GRIA4: variants seen among roughly 807,000 people sequenced by gnomAD.
GRIA4 encodes the protein glutamate receptor 4.
GRIA4 carries 34 observed loss-of-function variants against 104.0 expected under a neutral mutation model. The ratio of observed to expected loss-of-function variants is 0.33; its 90% CI spans 0.25 to 0.44. The LOEUF is 0.44. Among genes scored for constraint, GRIA4 ranks in the 20% least tolerant of loss-of-function variants. The pLI, the probability that GRIA4 is intolerant of heterozygous loss-of-function variation, is 1.00. For missense variants in GRIA4, 750 were observed against 1,096.5 expected, an observed-to-expected ratio of 0.68 and a Z score of 4.46; for synonymous variants, 386 against 381.9, an observed-to-expected ratio of 1.01 and a Z score of -0.13.
chr11:105,752,954 T>C (rs372013456), intron 3 of GRIA4, 27 bp from the exon 4 acceptor site: 7 of 1,605,032 alleles, frequency 4.4e-6, no homozygotes, highest in Non-Finnish European at 6.0e-6. Context: ...GCTAATAGTT[T>C]GTGGTGTTTT....
intron 4 of GRIA4, among the ~76,000 whole-genome samples, chr11:105,849,448 A>C (rs1038313026): frequency 6.6e-6 from 1 of 152,220 alleles, no homozygotes; most frequent in Non-Finnish European, 1.5e-5. Flanking sequence ...CCAGCATAAT[A>C]ATAAATCTAC....
Position 105,727,394 on chromosome 11 carries a change from T to C in GRIA4, c.248-25587T>C, listed in dbSNP as rs140685646. Reference sequence around the variant, plus strand: ...GAAATATGGGACTATGTGAAAAGACTATGTCTGATTGGTGTACCTGAAAGT... The same window carrying C: ...GAAATATGGGACTATGTGAAAAGACCATGTCTGATTGGTGTACCTGAAAGT... On this transcript the variant is annotated intron_variant, in intron 3 of 16. Transcript: ENST00000282499. Among the ~76,000 whole-genome samples, 219 of 151,636 alleles carry C rather than the reference T, an allele frequency of 1.4e-3. 3 individuals carry two copies. The highest frequency in any genetic ancestry group is 4.7e-3 in the African/African-American group (196 of 41,464).
chr11:105,805,711 C>T (rs541466196), intron 4 of GRIA4, among the ~76,000 whole-genome samples: 24 of 151,918 alleles, frequency 1.6e-4, no homozygotes, highest in African/African-American at 5.3e-4. Context: ...TTGCTAATAG[C>T]TTAGGAGGTT....
At chr11:105,637,879 T>C (rs1437152077) in intron 3 of GRIA4, among the ~76,000 whole-genome samples, 1 of 152,160 alleles carries the variant, frequency 6.6e-6, no homozygotes, top group African/African-American at 2.4e-5. Flanking sequence ...GGAGGATGGC[T>C]TATCACCGAT....
chr11:105,681,313 G>C (rs1238958126), intron 3 of GRIA4, among the ~76,000 whole-genome samples: 1 of 152,232 alleles, frequency 6.6e-6, no homozygotes, highest in African/African-American at 2.4e-5. Context: ...CCTGGAAAGA[G>C]ATGGGGGATG....
At chr11:105,923,065 C>A (rs1947611239) in intron 11 of GRIA4, among the ~76,000 whole-genome samples, 1 of 152,018 alleles carries the variant, frequency 6.6e-6, no homozygotes, top group Non-Finnish European at 1.5e-5. Context: ...CCATTCTAAC[C>A]CCCCAGTTGC....
At chr11:105,889,655 A>C (rs984284875) in intron 6 of GRIA4, among the ~76,000 whole-genome samples, 7 of 152,168 alleles carry the variant, frequency 4.6e-5, no homozygotes, top group Admixed American at 6.5e-5. Flanking sequence ...ACAAGATAAG[A>C]GTGTCCTCTC....
chr11:105,812,425 GC>G (rs1189654277), intron 4 of GRIA4, among the ~76,000 whole-genome samples: 1 of 152,166 alleles, frequency 6.6e-6, no homozygotes, highest in Non-Finnish European at 1.5e-5. Context: ...CCATGTGAGG[GC>G]TTGAAAATCA....
intron 3 of GRIA4, among the ~76,000 whole-genome samples, chr11:105,639,210 C>T (rs1327890315): frequency 6.6e-6 from 1 of 152,072 alleles, no homozygotes; most frequent in Non-Finnish European, 1.5e-5. Flanking sequence ...CTGAATTGAG[C>T]ATTTCTGCAT....
At chr11:105,795,929 G>A (rs1054193997) in intron 4 of GRIA4, among the ~76,000 whole-genome samples, 4 of 152,096 alleles carry the variant, frequency 2.6e-5, no homozygotes, top group Non-Finnish European at 4.4e-5. Flanking sequence ...AAGTAAGGTA[G>A]GAGCTTCAGC....
chr11:105,859,581 A>G (rs1945142916), intron 4 of GRIA4, among the ~76,000 whole-genome samples: 1 of 152,196 alleles, frequency 6.6e-6, no homozygotes, highest in African/African-American at 2.4e-5. Context: ...CAGGAGAATA[A>G]CAACATGGAT....
chr11:105,785,497 C>T (rs1941921294), intron 4 of GRIA4, among the ~76,000 whole-genome samples: 1 of 152,154 alleles, frequency 6.6e-6, no homozygotes, highest in East Asian at 1.9e-4. Context: ...CAATGGGCAT[C>T]AATTGTTTCT....
intron 9 of GRIA4, among the ~76,000 whole-genome samples, chr11:105,908,973 G>C (rs554629045): frequency 1.3e-5 from 2 of 152,146 alleles, no homozygotes; most frequent in South Asian, 2.1e-4. Context: ...ATTGAGGAGA[G>C]GGTGGGTCTC....
At chr11:105,759,108 T>A (rs923772876) in intron 4 of GRIA4, among the ~76,000 whole-genome samples, 7 of 152,166 alleles carry the variant, frequency 4.6e-5, no homozygotes, top group African/African-American at 1.7e-4. Context: ...TTGTGTTTTA[T>A]ATAAAGTACT....
At chr11:105,677,355 G>C (rs1952571052) in intron 3 of GRIA4, among the ~76,000 whole-genome samples, 1 of 151,654 alleles carries the variant, frequency 6.6e-6, no homozygotes, top group African/African-American at 2.4e-5. Context: ...TGGTTAATGG[G>C]GCAAAAATAA....
chr11:105,794,473 G>GTGTATATATATATA (rs1555010324), intron 4 of GRIA4, among the ~76,000 whole-genome samples: 2 of 43,916 alleles, frequency 4.6e-5, no homozygotes, highest in African/African-American at 2.0e-4. Context: ...GTATATGTAT[G>GTGTATATATATATA]TATATATATA....
chr11:105,865,451 A>T (rs868075294), intron 5 of GRIA4, among the ~76,000 whole-genome samples: 24 of 152,182 alleles, frequency 1.6e-4, no homozygotes, highest in African/African-American at 5.3e-4. Flanking sequence ...TTTTTATAGA[A>T]TATTTTTACT....
intron 3 of GRIA4, among the ~76,000 whole-genome samples, chr11:105,703,311 G>GA (rs112721930): frequency 3.9e-5 from 6 of 152,226 alleles, no homozygotes; most frequent in African/African-American, 1.2e-4. Context: ...TAACATATGT[G>GA]AAAAGCAGAA....
chr11:105,929,479 C>T (rs911046506), intron 13 of GRIA4, among the ~76,000 whole-genome samples: 1 of 152,058 alleles, frequency 6.6e-6, no homozygotes, highest in East Asian at 1.9e-4. Context: ...AATATAGAGG[C>T]ATTTAAAGAG....
Sources: allele counts gnomAD v4.1 joint callset (sites outside exome capture counted in the v4.1 genomes callset), GRCh38; gene constraint gnomAD v4.1.1; transcripts MANE v1.5; gene names NCBI Gene and HGNC (gene_info 2026-07-23, HGNC 2026-07-21).